The following PWWP2A variants were observed in gnomAD, a reference collection of about 807,000 sequenced individuals.
PWWP2A encodes PWWP domain-containing protein 2A.
Under a neutral mutation model 48.5 loss-of-function variants are expected in PWWP2A, and 18 were observed. The ratio of observed to expected loss-of-function variants is 0.37; its 90% CI spans 0.26 to 0.55. The LOEUF (loss-of-function observed/expected upper bound fraction) is 0.55, where lower values mean the gene tolerates loss of function less well. PWWP2A is among the 20% of genes least tolerant of loss of function. The probability of loss-of-function intolerance (pLI) is 0.81; values close to 1 mark genes in which losing one functional copy is unlikely to be tolerated. For missense variants in PWWP2A, 867 were observed against 976.4 expected, an observed-to-expected ratio of 0.89 and a Z score of 1.49; for synonymous variants, 396 against 387.7, an observed-to-expected ratio of 1.02 and a Z score of -0.25.
At chr5:160,084,301 G>C (rs150161316) in intron 2 of PWWP2A, among the ~76,000 whole-genome samples, 2 of 152,352 alleles carry the variant, frequency 1.3e-5, no homozygotes, top group East Asian at 3.9e-4. Flanking sequence ...GTAAGTGGCT[G>C]ATCAAAGTCA....
chr5:160,117,931 A>G, intron 1 of PWWP2A: 1 of 956,166 alleles, frequency 1.0e-6, no homozygotes, highest in Non-Finnish European at 1.2e-6. Context: ...CATATCTGCA[A>G]AAGAAGAGAA....
Position 160,112,147 on chromosome 5 carries a change from GAAAAAAAGAAAAAAGAA to G in PWWP2A, c.584+6641_584+6657del, listed in dbSNP as rs1420742278. 2.9e-3 allele frequency among the ~76,000 whole-genome samples: 395 copies of G among 135,452 alleles called. 13 individuals are homozygous for G. The East Asian group carries it at 0.072, about 25-fold the overall frequency. 88.9% of individuals were successfully genotyped at this position (135,452 alleles called of 152,430 possible). On this transcript the variant is annotated intron_variant, in intron 1 of 1. Transcript: ENST00000307063. ...TTCTCAAAAAAAAAAAAAAAAAAAG[GAAAAAAAGAAAAAAGAA>G]AAAAAAAGAAAGAAAAAAAGAGCAC...
intron 1 of PWWP2A, among the ~76,000 whole-genome samples, chr5:160,105,276 C>T (rs1172067654): frequency 6.9e-6 from 1 of 144,414 alleles, no homozygotes; most frequent in African/African-American, 2.6e-5. Context: ...AGGCTGGGCG[C>T]GGTGGCTCAC....
chr5:160,111,192 A>T (rs1238033299), intron 1 of PWWP2A, among the ~76,000 whole-genome samples: 1 of 151,874 alleles, frequency 6.6e-6, no homozygotes, highest in Non-Finnish European at 1.5e-5. Context: ...TTTGAGACAG[A>T]GTTTTGTTCT....
At chr5:160,044,820 C>G in the PWWP2A span, among the ~76,000 whole-genome samples, 2 of 152,184 alleles carry the variant, frequency 1.3e-5, no homozygotes. Context: ...CTTATTTTAC[C>G]CAGCCCCTAT....
chr5:160,090,633 CA>C (rs1754987194), downstream of PWWP2A: 1 of 984,324 alleles, frequency 1.0e-6, no homozygotes. Context: ...AATTCGCAAT[CA>C]GTCAATAACC....
intron 1 of PWWP2A, among the ~76,000 whole-genome samples, chr5:160,113,929 T>C (rs1019583254): frequency 2.0e-5 from 3 of 152,234 alleles, no homozygotes; most frequent in Admixed American, 2.0e-4. Context: ...TGAATCTTGC[T>C]TTGCCACTTA....
chr5:160,118,426 C>G (rs1316213889), intron 1 of PWWP2A, among the ~76,000 whole-genome samples: 3 of 151,718 alleles, frequency 2.0e-5, no homozygotes, highest in Non-Finnish European at 4.4e-5. Context: ...CCCCGCCCCC[C>G]CGTCCCCCCG....
Position 160,092,264 on chromosome 5 carries a change from C to T in PWWP2A, c.*118G>A. Reference sequence around the variant, plus strand: ...TATAAGGTAAGTATTAAAAAGCCAGCCAACTGAGTGCAACTTCTCTCTCCA... The same window carrying T: ...TATAAGGTAAGTATTAAAAAGCCAGTCAACTGAGTGCAACTTCTCTCTCCA... On this transcript the variant is annotated 3_prime_UTR_variant, in exon 2 of 2. Coordinates refer to ENST00000307063, the MANE Select transcript of PWWP2A (RefSeq NM_001130864.2). 7.0e-7 allele frequency: 1 copy of T among 1,426,068 alleles called. No individual in the cohort carries two copies. Among genetic ancestry groups the T allele is most frequent in the Non-Finnish European group, 9.2e-7 (1 of 1,090,006 alleles). The allele number at this position is 1,426,068 out of a possible 1,614,324, so 88.3% of individuals were successfully genotyped here.
the PWWP2A span, among the ~76,000 whole-genome samples, chr5:160,050,931 A>G: frequency 1.3e-5 from 2 of 151,490 alleles, no homozygotes; most frequent in Non-Finnish European, 2.9e-5. Context: ...TGGCCCAAAC[A>G]GAACTTTTGT....
chr5:160,096,638 T>A (rs1054595501), intron 1 of PWWP2A, among the ~76,000 whole-genome samples: 29 of 152,156 alleles, frequency 1.9e-4, no homozygotes, highest in Non-Finnish European at 2.2e-4. Context: ...ATTTATAAAA[T>A]TTTTTTATAG....
chr5:160,100,409 G>A (rs988355597), intron 1 of PWWP2A, among the ~76,000 whole-genome samples: 1 of 152,092 alleles, frequency 6.6e-6, no homozygotes, highest in African/African-American at 2.4e-5. Context: ...AGGATTGCTT[G>A]AGCCATGATT....
intron 4 of PWWP2A, among the ~76,000 whole-genome samples, chr5:160,064,288 G>A (rs372345159): frequency 2.0e-5 from 3 of 152,116 alleles, no homozygotes; most frequent in South Asian, 2.1e-4. Flanking sequence ...CACCCAAGTC[G>A]TGTAAATAAA....
At chr5:160,069,252 T>A (rs1440889595) in intron 2 of PWWP2A, among the ~76,000 whole-genome samples, 2 of 151,754 alleles carry the variant, frequency 1.3e-5, no homozygotes, top group African/African-American at 4.8e-5. Context: ...GCCACTGCAC[T>A]CTAGCCTGGG....
intron 1 of PWWP2A, among the ~76,000 whole-genome samples, chr5:160,094,379 ATACAT>A (rs1233464150): frequency 6.6e-6 from 1 of 152,224 alleles, no homozygotes; most frequent in Admixed American, 6.5e-5. Context: ...TAAGCATCAC[ATACAT>A]TACATTCACT....
At chr5:160,087,337 G>A (rs908752324), downstream of PWWP2A, among the ~76,000 whole-genome samples, 1 of 146,932 alleles carries the variant, frequency 6.8e-6, no homozygotes, top group Non-Finnish European at 1.5e-5. Flanking sequence ...CTGTGATCTC[G>A]CCACTGCATT....
chr5:160,065,182 A>G (rs1392098819), intron 4 of PWWP2A: 1 of 1,408,216 alleles, frequency 7.1e-7, no homozygotes. Flanking sequence ...AAGAAAGGCT[A>G]TCCAGTAGAG....
In PWWP2A at chr5:160,092,642, GCCA is replaced by G. The variant is rs1307616290; in HGVS notation, c.2005_2007del (p.Trp669del). 1 of 1,551,664 alleles carries G rather than the reference GCCA, an allele frequency of 6.4e-7. No homozygotes were observed. The highest frequency in any genetic ancestry group is 1.2e-5 in the South Asian group (1 of 84,064). ...ACAGTTATAGTAAGAATACGGGCTG[GCCA>G]CCAAGGGAAGCCATATATCTTGGCC... On this transcript the variant is annotated inframe_deletion, in exon 2 of 2. Coordinates refer to ENST00000307063, the MANE Select transcript of PWWP2A (RefSeq NM_001130864.2).
At chr5:160,084,827 G>A (rs1007409932) in intron 2 of PWWP2A, among the ~76,000 whole-genome samples, 6 of 151,776 alleles carry the variant, frequency 4.0e-5, no homozygotes, top group African/African-American at 2.4e-5. Context: ...CACTCAACTC[G>A]ATGACACTTT....
Sources: gnomAD v4.1 joint callset for allele counts (sites outside exome capture counted in the v4.1 genomes callset) on GRCh38, gnomAD v4.1.1 for gene constraint, MANE v1.5 for transcripts, NCBI Gene and HGNC (gene_info 2026-07-23, HGNC 2026-07-21) for gene names.